The following TRAK1 variants were observed in gnomAD, a reference collection of about 807,000 sequenced individuals.
TRAK1 encodes trafficking kinesin-binding protein 1.
Under a neutral mutation model 92.1 loss-of-function variants are expected in TRAK1, and 33 were observed. The ratio of observed to expected loss-of-function variants is 0.36; its 90% CI spans 0.27 to 0.48. The LOEUF (loss-of-function observed/expected upper bound fraction) is 0.48, where lower values mean the gene tolerates loss of function less well. Ranked by LOEUF, TRAK1 falls within the 20% of genes least tolerant of loss-of-function variation. The pLI is 0.99. For synonymous variants in TRAK1, 521 were observed against 517.3 expected (o/e 1.01, Z -0.10); for missense variants, 1,123 against 1,257.9 (o/e 0.89, Z 1.62).
chr3:42,047,183 C>T (rs61474116), intron 1 of TRAK1, among the ~76,000 whole-genome samples: 19,793 of 148,196 alleles, frequency 0.13, 1,821 homozygotes, highest in African/African-American at 0.25. Flanking sequence ...AGTATAAATA[C>T]TCTCACAAAA....
chr3:42,023,014 T>C (rs928715540), intron 1 of TRAK1, among the ~76,000 whole-genome samples: 2 of 151,724 alleles, frequency 1.3e-5, no homozygotes, highest in African/African-American at 4.8e-5. Flanking sequence ...AAAAATTAGC[T>C]GGACGTGGTG....
At chr3:42,177,381 T>A (rs950994274) in intron 3 of TRAK1, among the ~76,000 whole-genome samples, 1 of 152,270 alleles carries the variant, frequency 6.6e-6, no homozygotes, top group African/African-American at 2.4e-5. Context: ...ACTGTAGTTT[T>A]CTGAATTTCT....
chr3:42,124,846 A>C (rs1189196305), intron 1 of TRAK1, among the ~76,000 whole-genome samples: 1 of 152,218 alleles, frequency 6.6e-6, no homozygotes, highest in African/African-American at 2.4e-5. Context: ...ATGCCCCATA[A>C]GGATATAAGT....
chr3:42,049,394 T>C (rs1295263434), intron 1 of TRAK1, among the ~76,000 whole-genome samples: 4 of 152,114 alleles, frequency 2.6e-5, no homozygotes, highest in African/African-American at 9.6e-5. Flanking sequence ...ACTTTTAAAA[T>C]TCATTATGCC....
intron 1 of TRAK1, among the ~76,000 whole-genome samples, chr3:42,021,855 G>T (rs972091000): frequency 6.6e-6 from 1 of 152,162 alleles, no homozygotes; most frequent in Non-Finnish European, 1.5e-5. Context: ...TTCTATAGGT[G>T]TGAGCCACTG....
At chr3:42,150,131 C>G (rs376544658) in intron 2 of TRAK1, among the ~76,000 whole-genome samples, 2 of 151,104 alleles carry the variant, frequency 1.3e-5, no homozygotes, top group Non-Finnish European at 2.9e-5. Flanking sequence ...GCGGGTGATT[C>G]AAATGAAGTT....
At position 42,092,711 on chromosome 3, in the gene TRAK1, G is replaced by GTTATGTTATGTTATGATA. The variant is rs1705247688; in HGVS notation, c.91+1152_91+1153insTATGTTATGTTATGATAT. 4.9e-3 allele frequency among the ~76,000 whole-genome samples: 491 copies of GTTATGTTATGTTATGATA among 101,120 alleles called. 4 individuals are homozygous for GTTATGTTATGTTATGATA. The highest frequency in any genetic ancestry group is 0.015 in the African/African-American group (472 of 31,060). 66.3% of individuals were successfully genotyped at this position (101,120 alleles called of 152,430 possible). On this transcript the variant is annotated intron_variant, in intron 1 of 15. Coordinates refer to ENST00000327628, the MANE Select transcript of TRAK1 (RefSeq NM_001042646.3). Reference sequence around the variant, plus strand: ...GTGTTGTGTTGTGTTGTGTTGTGTTGTGTTATGTTATGTTATGTTATGTTA... The same window carrying GTTATGTTATGTTATGATA: ...GTGTTGTGTTGTGTTGTGTTGTGTTGTTATGTTATGTTATGATATGTTATGTTATGTTATGTTATGTTA...
intron 2 of TRAK1, among the ~76,000 whole-genome samples, chr3:42,131,016 C>T (rs533925868): frequency 2.0e-5 from 3 of 152,306 alleles, no homozygotes; most frequent in African/African-American, 4.8e-5. Flanking sequence ...TGTGTCCACA[C>T]GGTCACAGAC....
chr3:42,212,325 C>T (rs943579921), intron 14 of TRAK1: 41 of 985,370 alleles, frequency 4.2e-5, no homozygotes, highest in Middle Eastern at 5.2e-4. Flanking sequence ...CTATTGTCTG[C>T]CTGGGAACAC....
intron 1 of TRAK1, among the ~76,000 whole-genome samples, chr3:42,104,137 G>A (rs1057471382): frequency 1.3e-5 from 2 of 152,196 alleles, no homozygotes; most frequent in South Asian, 2.1e-4. Flanking sequence ...GTCCACCATT[G>A]CTGAAGCTTG....
At chr3:42,175,625 C>T (rs1427549564) in intron 2 of TRAK1, among the ~76,000 whole-genome samples, 15 of 152,120 alleles carry the variant, frequency 9.9e-5, no homozygotes, top group Non-Finnish European at 1.5e-5. Flanking sequence ...AAAATCATTC[C>T]AACAGATCCG....
rs759087693 is a variant in TRAK1 at position 42,184,812 on chromosome 3, G to A, written c.480+11G>A. The A allele has an allele frequency of 1.2e-6, 2 of 1,611,734 alleles. No individual in the cohort carries two copies. Among genetic ancestry groups the A allele is most frequent in the East Asian group, 2.2e-5 (1 of 44,886 alleles). On this transcript the variant is annotated intron_variant, in intron 4 of 15. Coordinates refer to ENST00000327628, the MANE Select transcript of TRAK1 (RefSeq NM_001042646.3). ...CACATCAGGGAGGAGGTAAGACATT[G>A]GAGGCCGAGGCTTCCAGAGGGGCCC...
chr3:42,189,454 G>A (rs1042659111), intron 6 of TRAK1, among the ~76,000 whole-genome samples: 1 of 152,236 alleles, frequency 6.6e-6, no homozygotes, highest in African/African-American at 2.4e-5. Flanking sequence ...GAGAAACCCA[G>A]CCTTGTTTTC....
chr3:42,190,940 T>A (rs1401069099), intron 6 of TRAK1, among the ~76,000 whole-genome samples: 1 of 152,122 alleles, frequency 6.6e-6, no homozygotes, highest in Non-Finnish European at 1.5e-5. Flanking sequence ...GTCTCGGGGC[T>A]TCTTCTTTGG....
At chr3:42,125,025 T>C (rs1430725921) in intron 1 of TRAK1, among the ~76,000 whole-genome samples, 2 of 152,194 alleles carry the variant, frequency 1.3e-5, no homozygotes, top group African/African-American at 4.8e-5. Flanking sequence ...ATAGCTTCAA[T>C]GGTAAAAGAG....
chr3:42,131,381 T>C (rs1697174651), intron 2 of TRAK1, among the ~76,000 whole-genome samples: 1 of 152,132 alleles, frequency 6.6e-6, no homozygotes, highest in African/African-American at 2.4e-5. Flanking sequence ...CCTCTGAGCT[T>C]CCAAATCAGT....
chr3:42,030,112 T>G (rs547845303), intron 1 of TRAK1, among the ~76,000 whole-genome samples: 1 of 152,216 alleles, frequency 6.6e-6, no homozygotes, highest in East Asian at 1.9e-4. Context: ...TCAGAAAACA[T>G]TTACATAATT....
intron 2 of TRAK1, among the ~76,000 whole-genome samples, chr3:42,142,094 T>C (rs1157928204): frequency 6.6e-6 from 1 of 152,254 alleles, no homozygotes; most frequent in Non-Finnish European, 1.5e-5. Flanking sequence ...ATTGCGCCAC[T>C]GCACTCCAGC....
chr3:42,211,416 A>C (rs1249093016), intron 14 of TRAK1: 1 of 985,236 alleles, frequency 1.0e-6, no homozygotes, highest in African/African-American at 1.7e-5. Flanking sequence ...TGAGGGAATG[A>C]AAATGTTTTT....
Sources: gnomAD v4.1 joint callset for allele counts (sites outside exome capture counted in the v4.1 genomes callset) on GRCh38, gnomAD v4.1.1 for gene constraint, MANE v1.5 for transcripts, NCBI Gene and HGNC (gene_info 2026-07-23, HGNC 2026-07-21) for gene names.